The following LINGO2 variants were observed in gnomAD, a reference collection of about 807,000 sequenced individuals.
LINGO2 encodes leucine-rich repeat and immunoglobulin-like domain-containing nogo receptor-interacting protein 2.
In LINGO2, 14 loss-of-function variants were observed where a neutral mutation model predicts 30.6. That is an observed-to-expected ratio of 0.46 (90% CI 0.30 to 0.72). The LOEUF (loss-of-function observed/expected upper bound fraction) is 0.72. LINGO2 is among the 30% of genes least tolerant of loss of function. The pLI, the probability that LINGO2 is intolerant of heterozygous loss-of-function variation, is 0.07. For synonymous variants in LINGO2, 317 were observed against 288.5 expected, an observed-to-expected ratio of 1.10 and a Z score of -1.00; for missense variants, 729 against 751.7, an observed-to-expected ratio of 0.97 and a Z score of 0.35.
intron 2 of LINGO2, among the ~76,000 whole-genome samples, chr9:28,406,130 C>G (rs1011751610): frequency 6.6e-6 from 1 of 152,086 alleles, no homozygotes. Context: ...GAAGTTTTGA[C>G]TTACATTCGA....
At chr9:29,026,407 T>C in the LINGO2 span, among the ~76,000 whole-genome samples, 16 of 152,290 alleles carry the variant, frequency 1.1e-4, no homozygotes, top group Admixed American at 8.5e-4. Context: ...AATGATCCTT[T>C]GGTAAATAAT....
chr9:27,989,368 A>G (rs1821278061), intron 5 of LINGO2, among the ~76,000 whole-genome samples: 1 of 151,842 alleles, frequency 6.6e-6, no homozygotes, highest in Non-Finnish European at 1.5e-5. Flanking sequence ...ATTTTATCCT[A>G]CCTATTGCTT....
chr9:28,869,599 C>A, the LINGO2 span, among the ~76,000 whole-genome samples: 2 of 151,882 alleles, frequency 1.3e-5, no homozygotes, highest in Non-Finnish European at 2.9e-5. Flanking sequence ...GCTAAAAGTC[C>A]AGTGGTTTGA....
the LINGO2 span, among the ~76,000 whole-genome samples, chr9:28,675,701 T>C: frequency 6.6e-6 from 1 of 151,466 alleles, no homozygotes; most frequent in Non-Finnish European, 1.5e-5. Flanking sequence ...TGAAACCCTG[T>C]CTCTACTAAA....
At chr9:28,278,047 T>C (rs1823190029) in intron 4 of LINGO2, among the ~76,000 whole-genome samples, 3 of 152,108 alleles carry the variant, frequency 2.0e-5, no homozygotes, top group Admixed American at 6.6e-5. Flanking sequence ...ATTGTTGATA[T>C]GGAGAAAATT....
chr9:29,178,965 A>ATAATTAAT, the LINGO2 span, among the ~76,000 whole-genome samples: 35 of 151,276 alleles, frequency 2.3e-4, no homozygotes, highest in African/African-American at 7.3e-4. Flanking sequence ...CATCTCTAAA[A>ATAATTAAT]TAATTAATTA....
chr9:28,195,943 T>C (rs1810863958), intron 4 of LINGO2, among the ~76,000 whole-genome samples: 1 of 151,492 alleles, frequency 6.6e-6, no homozygotes, highest in African/African-American at 2.4e-5. Context: ...ATAACAATAA[T>C]CCATGAAAAA....
the LINGO2 span, among the ~76,000 whole-genome samples, chr9:28,805,709 T>G: frequency 2.0e-5 from 3 of 152,174 alleles, no homozygotes; most frequent in Non-Finnish European, 4.4e-5. Context: ...CTAAGATTGC[T>G]GTCTGGAAGG....
At chr9:28,708,002 G>T in the LINGO2 span, among the ~76,000 whole-genome samples, 5 of 151,906 alleles carry the variant, frequency 3.3e-5, no homozygotes, top group South Asian at 4.1e-4. Context: ...TAAGAAGGTG[G>T]GAATAAAGAC....
chr9:29,115,547 T>G, the LINGO2 span, among the ~76,000 whole-genome samples: 1 of 151,644 alleles, frequency 6.6e-6, no homozygotes, highest in African/African-American at 2.4e-5. Flanking sequence ...GATAAAAAAC[T>G]TACTGTGAGC....
At chr9:28,036,482 T>G (rs997465558) in intron 4 of LINGO2, among the ~76,000 whole-genome samples, 2 of 152,170 alleles carry the variant, frequency 1.3e-5, no homozygotes, top group African/African-American at 4.8e-5. Flanking sequence ...CTAGTTCTAG[T>G]AGACCTATGA....
chr9:28,565,121 A>C (rs1354007785), intron 1 of LINGO2, among the ~76,000 whole-genome samples: 1 of 152,058 alleles, frequency 6.6e-6, no homozygotes, highest in African/African-American at 2.4e-5. Flanking sequence ...GATCTCCAAC[A>C]CTTCTGAAAT....
At chr9:28,224,012 G>A (rs892761711) in intron 4 of LINGO2, among the ~76,000 whole-genome samples, 6 of 152,162 alleles carry the variant, frequency 3.9e-5, no homozygotes, top group African/African-American at 1.4e-4. Flanking sequence ...GGTAATAGCT[G>A]TAATCACTGG....
chr9:28,340,372 A>T (rs1231994456), intron 3 of LINGO2, among the ~76,000 whole-genome samples: 1 of 152,152 alleles, frequency 6.6e-6, no homozygotes, highest in Non-Finnish European at 1.5e-5. Context: ...AGTGAAACAT[A>T]TATGTGTGCT....
At chr9:28,743,248 AT>A in the LINGO2 span, among the ~76,000 whole-genome samples, 1 of 151,900 alleles carries the variant, frequency 6.6e-6, no homozygotes, top group Non-Finnish European at 1.5e-5. Context: ...GGTTTGTTAC[AT>A]AGGTATACAC....
chr9:28,230,757 T>A (rs953376919), intron 4 of LINGO2, among the ~76,000 whole-genome samples: 1 of 151,946 alleles, frequency 6.6e-6, no homozygotes, highest in Non-Finnish European at 1.5e-5. Flanking sequence ...TGGATGTGCA[T>A]ACTCACTTAT....
intron 4 of LINGO2, among the ~76,000 whole-genome samples, chr9:28,233,324 A>G (rs1311645696): frequency 6.6e-6 from 1 of 151,984 alleles, no homozygotes; most frequent in Non-Finnish European, 1.5e-5. Context: ...CCTATTTGAA[A>G]AATGTGTAAC....
the LINGO2 span, among the ~76,000 whole-genome samples, chr9:28,961,444 T>C: frequency 6.6e-6 from 1 of 152,160 alleles, no homozygotes; most frequent in Non-Finnish European, 1.5e-5. Context: ...TGCATGTTTA[T>C]TAAAAAGGAG....
the LINGO2 span, among the ~76,000 whole-genome samples, chr9:28,881,150 T>G: frequency 3.9e-5 from 6 of 152,122 alleles, no homozygotes; most frequent in Admixed American, 1.3e-4. Flanking sequence ...TTATTTCTTT[T>G]ATCAGTCTCT....
Sources: allele counts gnomAD v4.1 joint callset (sites outside exome capture counted in the v4.1 genomes callset), GRCh38; gene constraint gnomAD v4.1.1; transcripts MANE v1.5; gene names NCBI Gene and HGNC (gene_info 2026-07-23, HGNC 2026-07-21).